Variants in MAP7D1 observed in about 807,000 individuals in gnomAD.
MAP7D1 encodes the protein MAP7 domain containing 1, also known as MAP7 domain-containing protein 1.
Under a neutral mutation model 97.5 loss-of-function variants are expected in MAP7D1, and 30 were observed. That is an observed-to-expected ratio of 0.31 (90% CI 0.23 to 0.42). The LOEUF (loss-of-function observed/expected upper bound fraction) is 0.42. MAP7D1 is among the 10% of genes least tolerant of loss of function. The pLI, the probability that MAP7D1 is intolerant of heterozygous loss-of-function variation, is 1.00. For missense variants in MAP7D1, 1,184 were observed against 1,179.5 expected, an observed-to-expected ratio of 1.00 and a Z score of -0.06; for synonymous variants, 536 against 477.1, an observed-to-expected ratio of 1.12 and a Z score of -1.61.
intron 1 of MAP7D1, among the ~76,000 whole-genome samples, chr1:36,165,131 T>C (rs1644458944): frequency 6.6e-6 from 1 of 152,220 alleles, no homozygotes; most frequent in Admixed American, 6.5e-5. Flanking sequence ...TTTAATTTTT[T>C]TTCTTTTTCT....
Position 36,178,186 on chromosome 1 carries a change from G to T in MAP7D1, c.1693G>T (p.Ala565Ser). The T allele has an allele frequency of 8.4e-7, 1 of 1,193,156 alleles. No homozygotes were observed. The highest frequency in any genetic ancestry group is 3.9e-5 in the East Asian group (1 of 25,688). The allele number at this position is 1,193,156 out of a possible 1,614,324, so 73.9% of individuals were successfully genotyped here. ...CCCGCCCCAGAAGGAGCAGCCCCCC[G>T]CGGAGACCCCTACAGGTAGGAATGA... ...PAPPQKEQPP[A>S]ETPTDAAVLT... is the part of the protein sequence containing the mutation. The change falls in exon 9 of 17, where the codon GCG (alanine) becomes TCG (serine). Residue 565 changes from alanine (A) to serine (S), a missense_variant. Physicochemically the swap from Ala to Ser is moderately conservative, Grantham distance 99. Coordinates refer to ENST00000474796, the MANE Select transcript of MAP7D1 (RefSeq NM_001388490.1).
intron 14 of MAP7D1, 50 bp downstream of exon 14, chr1:36,179,607 C>T (rs376844313): frequency 2.6e-6 from 4 of 1,552,292 alleles, no homozygotes; most frequent in Non-Finnish European, 1.7e-6. Context: ...TCCTCCTCCT[C>T]CTCCATCCTC....
chr1:36,178,997 A>C lies in MAP7D1; in HGVS notation c.2102A>C (p.Gln701Pro), dbSNP rs1358909623. The change falls in exon 12 of 17, where the codon CAG becomes CCG. Residue 701 changes from glutamine (Q) to proline (P), a missense_variant. Transcript: ENST00000474796. ...RLEREKHFQQ[Q>P]EQERQERRKR... ...GAGCGGGAAAAGCACTTCCAGCAGC[A>C]GGAGCAAGAGCGGCAAGAGCGCAGA... 1.3e-6 allele frequency: 2 copies of C among 1,489,298 alleles called. No homozygotes were observed. Among genetic ancestry groups the C allele is most frequent in the South Asian group, 1.2e-5 (1 of 83,358 alleles). The allele number at this position is 1,489,298 out of a possible 1,614,324, so 92.3% of individuals were successfully genotyped here.
At chr1:36,175,671 C>A (rs1327680604) in intron 6 of MAP7D1, among the ~76,000 whole-genome samples, 1 of 152,162 alleles carries the variant, frequency 6.6e-6, no homozygotes, top group African/African-American at 2.4e-5. Context: ...CTGACTGAGG[C>A]TTAAAAATAG....
At position 36,178,995 on chromosome 1, in the gene MAP7D1, G is replaced by T; in HGVS notation, c.2100G>T (p.Gln700His). 3.2e-6 allele frequency: 5 copies of T among 1,557,566 alleles called. No individual in the cohort carries two copies. Among genetic ancestry groups the T allele is most frequent in the Non-Finnish European group, 4.3e-6 (5 of 1,150,988 alleles). Reference protein sequence around the residue: ...QRLEREKHFQQQEQERQERRK... With the variant: ...QRLEREKHFQHQEQERQERRK... Reference sequence around the variant, plus strand: ...TGGAGCGGGAAAAGCACTTCCAGCAGCAGGAGCAAGAGCGGCAAGAGCGCA... The same window carrying T: ...TGGAGCGGGAAAAGCACTTCCAGCATCAGGAGCAAGAGCGGCAAGAGCGCA... The change falls in exon 12 of 17, where the codon CAG (glutamine) becomes CAT (histidine). Residue 700 changes from glutamine (Q) to histidine (H), a missense_variant. Transcript: ENST00000474796.
At chr1:36,169,417 G>A (rs1246779960) in intron 1 of MAP7D1, among the ~76,000 whole-genome samples, 3 of 152,090 alleles carry the variant, frequency 2.0e-5, no homozygotes, top group Non-Finnish European at 2.9e-5. Context: ...TTAGCCAGGC[G>A]TGGTGGCGGG....
intron 1 of MAP7D1, among the ~76,000 whole-genome samples, chr1:36,163,817 C>CTTTCTT (rs1644441774): frequency 1.2e-5 from 1 of 86,784 alleles, no homozygotes; most frequent in African/African-American, 4.7e-5. Flanking sequence ...TACTTTTTTT[C>CTTTCTT]TTTTTTTTTT....
chr1:36,160,971 C>A (rs1290696628), intron 1 of MAP7D1, among the ~76,000 whole-genome samples: 2 of 152,232 alleles, frequency 1.3e-5, no homozygotes, highest in Non-Finnish European at 2.9e-5. Flanking sequence ...TGGGCAACAG[C>A]CTGGGCAGCC....
chr1:36,173,857 G>C (rs566761140), intron 5 of MAP7D1, among the ~76,000 whole-genome samples: 28 of 152,234 alleles, frequency 1.8e-4, no homozygotes, highest in African/African-American at 6.5e-4. Flanking sequence ...TTTTCTCCGC[G>C]TAGGGCCACC....
rs1644674709 is a variant in MAP7D1 at position 36,179,000 on chromosome 1, A to G, written c.2105A>G (p.Glu702Gly). ...CGGGAAAAGCACTTCCAGCAGCAGG[A>G]GCAAGAGCGGCAAGAGCGCAGAAAG... ...LEREKHFQQQEQERQERRKRL... is the reference protein window; with the variant it reads ...LEREKHFQQQGQERQERRKRL... Residue 702 changes from glutamate to glycine, a missense_variant, in exon 12 of 17, where the codon GAG (glutamate) becomes GGG (glycine). Coordinates refer to ENST00000474796, the MANE Select transcript of MAP7D1 (RefSeq NM_001388490.1). The G allele has an allele frequency of 1.3e-6, 2 of 1,547,300 alleles. No individual in the cohort carries two copies. The highest frequency in any genetic ancestry group is 1.7e-6 in the Non-Finnish European group (2 of 1,146,426).
In MAP7D1 at chr1:36,176,473, C is replaced by A. The variant is rs920792308; in HGVS notation, c.1125C>A (p.Val375=). 3 of 1,470,420 alleles carry A rather than the reference C, an allele frequency of 2.0e-6. No individual in the cohort carries two copies. In the African/African-American group the frequency reaches 4.5e-5, roughly 22 times the overall value. 91.1% of individuals were successfully genotyped at this position (1,470,420 alleles called of 1,614,324 possible). A position where few individuals can be genotyped will look rare whatever the true frequency, so the allele number is the denominator to read the frequency against. The part of the protein sequence containing the change: ...ASASPLTPCS[V]TRSVHRCAPA... ...CCAGCCCCCTGACGCCGTGCAGCGT[C>A]ACCCGAAGCGTGCACCGCTGCGCCC... The change falls in exon 7 of 17, where the codon GTC becomes GTA. Residue 375 remains valine, a synonymous_variant. Transcript: ENST00000474796. The surrounding 1 kb of genome is among the most constrained non-coding windows in gnomAD (Gnocchi z 6.1).
rs2124257531 is a variant in MAP7D1, at chr1:36,180,373, T to C, written c.*115T>C. 1 of 1,461,228 alleles carries C rather than the reference T, an allele frequency of 6.8e-7. No individual in the cohort carries two copies. The highest frequency in any genetic ancestry group is 9.6e-7 in the Non-Finnish European group (1 of 1,041,984). 90.5% of individuals were successfully genotyped at this position (1,461,228 alleles called of 1,614,324 possible). On this transcript the variant is annotated 3_prime_UTR_variant, in exon 17 of 17. Transcript: ENST00000474796. ...TGGAAGTGGCCTGGGCCCCTGGGGGTGGGTCCTCTCTGTTGTTTTTAATCT... is the reference window on the plus strand; with the variant it reads ...TGGAAGTGGCCTGGGCCCCTGGGGGCGGGTCCTCTCTGTTGTTTTTAATCT...
Position 36,179,651 on chromosome 1 carries a change from C to T in MAP7D1, c.2228-15C>T. On this transcript the variant is annotated splice_polypyrimidine_tract_variant and intron_variant, in intron 14 of 16. Transcript: ENST00000474796. ...TGCCAGCCCCTGGCTGATGGCCCCTCTTTCCCTGTGACAGAGCCTGTGAAA... is the reference window on the plus strand; with the variant it reads ...TGCCAGCCCCTGGCTGATGGCCCCTTTTTCCCTGTGACAGAGCCTGTGAAA... 1.3e-6 allele frequency: 2 copies of T among 1,538,600 alleles called. No individual in the cohort carries two copies. The highest frequency in any genetic ancestry group is 1.8e-6 in the Non-Finnish European group (2 of 1,139,384).
In MAP7D1 at chr1:36,179,568, C is replaced by T. The variant is rs1010469703; in HGVS notation, c.2227+11C>T. 8 of 1,561,894 alleles carry T rather than the reference C, an allele frequency of 5.1e-6. No homozygotes were observed. In the Admixed American group the frequency reaches 1.5e-4, roughly 30 times the overall value. ...ACGGTTCCAGCCCAGGTAAAGCCCC[C>T]ATTCCTCTCGCCTCCCTTCCCTTTG... On this transcript the variant is annotated intron_variant, in intron 14 of 16. Transcript: ENST00000474796.
chr1:36,176,513 G>T lies in MAP7D1; in HGVS notation c.1165G>T (p.Gly389Trp). The change falls in exon 7 of 17, where the codon GGG becomes TGG. Residue 389 changes from glycine to tryptophan, a missense_variant. Physicochemically the swap from Gly to Trp is radical, Grantham distance 184. Transcript: ENST00000474796. The surrounding 1 kb of genome is among the most constrained non-coding windows in gnomAD (Gnocchi z 6.1). ...CCGCTGCGCCCCCGCCGGTGAGCGC[G>T]GGGAGCGCCGCAAGCCCAACGCCGG... ...VHRCAPAGER[G>W]ERRKPNAGGS... The T allele has an allele frequency of 7.3e-7, 1 of 1,377,588 alleles. No individual in the cohort carries two copies. 85.3% of individuals were successfully genotyped at this position (1,377,588 alleles called of 1,614,324 possible). A position where few individuals can be genotyped will look rare whatever the true frequency, so the allele number is the denominator to read the frequency against.
At chr1:36,172,754 A>G in intron 4 of MAP7D1, 127 bp downstream of exon 4, 1 of 1,076,442 alleles carries the variant, frequency 9.3e-7, no homozygotes, top group Non-Finnish European at 1.2e-6. Context: ...ATTTGTGTTC[A>G]CATCTACAGT....
chr1:36,178,666 C>T lies in MAP7D1; in HGVS notation c.1887-19C>T, dbSNP rs1202222913. The T allele has an allele frequency of 1.3e-6, 2 of 1,528,838 alleles. No homozygotes were observed. The highest frequency in any genetic ancestry group is 4.9e-5 in the East Asian group (2 of 40,814). 94.7% of individuals were successfully genotyped at this position (1,528,838 alleles called of 1,614,324 possible). Reference sequence around the variant, plus strand: ...GAAGAAGCAGAGGCCGAGCCTGAGCCGTTTGCTCCGTCCCCCAGGCGAATG... The same window carrying T: ...GAAGAAGCAGAGGCCGAGCCTGAGCTGTTTGCTCCGTCCCCCAGGCGAATG... On this transcript the variant is annotated intron_variant, in intron 10 of 16. Coordinates refer to ENST00000474796, the MANE Select transcript of MAP7D1 (RefSeq NM_001388490.1).
intron 1 of MAP7D1, among the ~76,000 whole-genome samples, 193 bp downstream of exon 1, chr1:36,156,656 C>A (rs557101804): frequency 6.6e-6 from 1 of 152,244 alleles, no homozygotes; most frequent in African/African-American, 2.4e-5. Context: ...TGCCCCCTCC[C>A]CCACCCCGGG....
At position 36,176,532 on chromosome 1, in the gene MAP7D1, A is replaced by C; in HGVS notation, c.1184A>C (p.Asn395Thr). 2 of 1,397,290 alleles carry C rather than the reference A, an allele frequency of 1.4e-6. No homozygotes were observed. The highest frequency in any genetic ancestry group is 3.1e-5 in the South Asian group (2 of 64,876). The allele number at this position is 1,397,290 out of a possible 1,614,324, so 86.6% of individuals were successfully genotyped here. Reference sequence around the variant, plus strand: ...GAGCGCGGGGAGCGCCGCAAGCCCAACGCCGGGGGCAGCCCCGCTCCGGTG... The same window carrying C: ...GAGCGCGGGGAGCGCCGCAAGCCCACCGCCGGGGGCAGCCCCGCTCCGGTG... Reference protein sequence around the residue: ...AGERGERRKPNAGGSPAPVRR... With the variant: ...AGERGERRKPTAGGSPAPVRR... The change falls in exon 7 of 17, where the codon AAC becomes ACC. Residue 395 changes from asparagine to threonine, a missense_variant. By Grantham distance (65) the Asn-to-Thr change is moderately conservative (BLOSUM62 0). Coordinates refer to ENST00000474796, the MANE Select transcript of MAP7D1 (RefSeq NM_001388490.1). This position sits in a 1 kb window ranked among gnomAD's most constrained non-coding sequence, Gnocchi z 6.1.
Sources: allele counts gnomAD v4.1 joint callset (sites outside exome capture counted in the v4.1 genomes callset), GRCh38; gene constraint gnomAD v4.1.1; non-coding constraint Gnocchi (gnomAD v3.1); transcripts MANE v1.5; gene names NCBI Gene and HGNC (gene_info 2026-07-23, HGNC 2026-07-21).